NGEF: variants seen among roughly 807,000 people sequenced by gnomAD.
NGEF encodes the protein neuronal guanine nucleotide exchange factor, also known as ephexin-1.
A neutral mutation model predicts 80.9 loss-of-function variants in NGEF; 31 were observed. The ratio of observed to expected loss-of-function variants is 0.38; its 90% confidence interval spans 0.29 to 0.52. The LOEUF is 0.52. Among genes scored for constraint, NGEF ranks in the 20% least tolerant of loss-of-function variants. NGEF has a pLI of 0.84. For synonymous variants in NGEF, 371 were observed against 370.2 expected, an observed-to-expected ratio of 1.00 and a Z score of -0.03; for missense variants, 709 against 926.2, an observed-to-expected ratio of 0.77 and a Z score of 3.04.
At chr2:233,009,939 C>T (rs1421155002) in intron 1 of NGEF, among the ~76,000 whole-genome samples, 1 of 152,190 alleles carries the variant, frequency 6.6e-6, no homozygotes, top group Non-Finnish European at 1.5e-5. Context: ...CTCTTGTCAC[C>T]TTGCCTGTAG....
At chr2:232,971,199 C>CTTCT (rs1431440996) in intron 2 of NGEF, among the ~76,000 whole-genome samples, 1 of 152,186 alleles carries the variant, frequency 6.6e-6, no homozygotes, top group Non-Finnish European at 1.5e-5. Context: ...AGATCATGAG[C>CTTCT]TTCTTTGGTG....
chr2:232,993,137 TTATA>T (rs1292981927), intron 1 of NGEF, among the ~76,000 whole-genome samples: 2 of 32,192 alleles, frequency 6.2e-5, no homozygotes, highest in African/African-American at 1.6e-4. Flanking sequence ...ATATATTTAT[TTATA>T]TATATATGGG....
chr2:232,887,750 G>A (rs1324954984), intron 9 of NGEF, among the ~76,000 whole-genome samples: 1 of 152,174 alleles, frequency 6.6e-6, no homozygotes, highest in African/African-American at 2.4e-5. Flanking sequence ...TGTCCTGAGA[G>A]CCACGCTGCT....
At chr2:232,906,993 T>G (rs1692576258) in intron 5 of NGEF, among the ~76,000 whole-genome samples, 2 of 150,940 alleles carry the variant, frequency 1.3e-5, no homozygotes, top group Non-Finnish European at 3.0e-5. Flanking sequence ...GCATGCTCGT[T>G]AAGAGTCATC....
intron 3 of NGEF, among the ~76,000 whole-genome samples, chr2:232,931,615 T>C (rs1375074789): frequency 6.6e-6 from 1 of 152,024 alleles, no homozygotes; most frequent in East Asian, 1.9e-4. Context: ...GATAAGGAGA[T>C]GAGTGTGAGT....
chr2:232,986,449 A>G (rs1291302065), intron 1 of NGEF, among the ~76,000 whole-genome samples: 10 of 152,226 alleles, frequency 6.6e-5, no homozygotes, highest in Non-Finnish European at 1.3e-4. Flanking sequence ...TGTGGAATCA[A>G]CCCATATGTC....
intron 1 of NGEF, among the ~76,000 whole-genome samples, chr2:232,981,675 C>T (rs922967051): frequency 2.0e-5 from 3 of 152,176 alleles, no homozygotes; most frequent in African/African-American, 4.8e-5. Context: ...TCAGTACTCC[C>T]CACTTCCCGA....
chr2:232,932,331 A>C (rs1326388698), intron 3 of NGEF, among the ~76,000 whole-genome samples: 1 of 151,708 alleles, frequency 6.6e-6, no homozygotes, highest in Non-Finnish European at 1.5e-5. Flanking sequence ...TGCCTGGCTA[A>C]ACTTTTTGTA....
rs1310824893 is a variant in NGEF, at chr2:232,892,033, T to A, written c.1143-546A>T. On this transcript the variant is annotated intron_variant, in intron 7 of 14. Coordinates refer to ENST00000264051, the MANE Select transcript of NGEF (RefSeq NM_019850.3). The surrounding 1 kb of genome is among the most constrained non-coding windows in gnomAD (Gnocchi z 4.0). ...CAGGGACAGGTGCTCAGCCTGTCAC[T>A]CAGCCTCTGTGCTCACACGGCCTGG... Among the ~76,000 whole-genome samples the A allele has an allele frequency of 1.3e-5, 2 of 151,990 alleles. No individual in the cohort carries two copies. The highest frequency in any genetic ancestry group is 3.8e-4 in the East Asian group (2 of 5,198).
At chr2:232,977,904 G>A (rs961424660) in intron 1 of NGEF, among the ~76,000 whole-genome samples, 4 of 152,304 alleles carry the variant, frequency 2.6e-5, no homozygotes, top group African/African-American at 4.8e-5. Context: ...TGAGAGCAGC[G>A]GACAAGGGAG....
chr2:232,965,632 CTT>C (rs1365073623), intron 3 of NGEF, among the ~76,000 whole-genome samples: 5 of 152,162 alleles, frequency 3.3e-5, no homozygotes, highest in African/African-American at 1.2e-4. Context: ...ATATTTTGGA[CTT>C]TACCTTTAAA....
chr2:232,985,669 C>T (rs948973157), intron 1 of NGEF, among the ~76,000 whole-genome samples: 1 of 152,146 alleles, frequency 6.6e-6, no homozygotes, highest in Non-Finnish European at 1.5e-5. Context: ...CGGAGAATGG[C>T]GTGAACCCAG....
chr2:232,914,340 T>A (rs1367080229), intron 5 of NGEF, among the ~76,000 whole-genome samples: 1 of 152,268 alleles, frequency 6.6e-6, no homozygotes, highest in East Asian at 1.9e-4. Flanking sequence ...ATTCAGTTTC[T>A]TAGTTGCACT....
chr2:232,926,922 A>G, intron 4 of NGEF, 122 bp downstream of exon 4: 1 of 1,279,758 alleles, frequency 7.8e-7, no homozygotes, highest in South Asian at 1.3e-5. Context: ...AGCTTTCCTT[A>G]CCCATGTCAG....
chr2:232,960,245 A>G (rs1693918878), intron 3 of NGEF, among the ~76,000 whole-genome samples: 1 of 152,260 alleles, frequency 6.6e-6, no homozygotes, highest in Admixed American at 6.5e-5. Context: ...TTTTTCTTAT[A>G]CATATATTTA....
At chr2:232,935,160 T>C (rs1693304141) in intron 3 of NGEF, among the ~76,000 whole-genome samples, 1 of 152,360 alleles carries the variant, frequency 6.6e-6, no homozygotes, top group Middle Eastern at 3.4e-3. Context: ...GCATTCTTAT[T>C]TACATACTAA....
rs1288657984 is a variant in NGEF at position 232,928,052 on chromosome 2, C to T, written c.384-866G>A. On this transcript the variant is annotated intron_variant, in intron 3 of 14. Coordinates refer to ENST00000264051, the MANE Select transcript of NGEF (RefSeq NM_019850.3). ...GCCGGGTCGGGGGCCACGCCGGGGCCCTGGGCTGGGTCGGGGGCGACTAGC... is the reference window on the plus strand; with the variant it reads ...GCCGGGTCGGGGGCCACGCCGGGGCTCTGGGCTGGGTCGGGGGCGACTAGC... The T allele has an allele frequency of 4.3e-6, 5 of 1,171,886 alleles. No homozygotes were observed. The East Asian group carries it at 1.9e-4, about 45-fold the overall frequency. 72.6% of individuals were successfully genotyped at this position (1,171,886 alleles called of 1,614,324 possible). A position where few individuals can be genotyped will look rare whatever the true frequency, so the allele number is the denominator to read the frequency against.
chr2:232,924,482 A>G (rs1193807180), intron 4 of NGEF, among the ~76,000 whole-genome samples: 1 of 152,176 alleles, frequency 6.6e-6, no homozygotes, highest in African/African-American at 2.4e-5. Flanking sequence ...CAACTGGAAC[A>G]GATTAAGATA....
rs563585687 is a variant in NGEF at position 232,889,395 on chromosome 2, T to G, written c.1273-1288A>C. The stretch of plus-strand genomic sequence containing the variant: ...TGGAGACTTGCCGTTCTCTCTGGAA[T>G]GGTCCCTGACCCGCCACCCCTTTCT... On this transcript the variant is annotated intron_variant, in intron 8 of 14. Transcript: ENST00000264051. Among the ~76,000 whole-genome samples the G allele has an allele frequency of 2.0e-5, 3 of 152,334 alleles. No individual in the cohort carries two copies. In the East Asian group the frequency reaches 5.8e-4, roughly 29 times the overall value.
Sources: allele counts gnomAD v4.1 joint callset (sites outside exome capture counted in the v4.1 genomes callset), GRCh38; gene constraint gnomAD v4.1.1; non-coding constraint Gnocchi (gnomAD v3.1); transcripts MANE v1.5; gene names NCBI Gene and HGNC (gene_info 2026-07-23, HGNC 2026-07-21).